CHL1: variants seen among roughly 807,000 people sequenced by gnomAD.
The protein encoded by CHL1 is cell adhesion molecule L1 like.
CHL1 carries 96 observed loss-of-function variants against 141.9 expected under a neutral mutation model. The observed-to-expected ratio is 0.68, with a 90% CI of 0.57 to 0.80. The LOEUF (loss-of-function observed/expected upper bound fraction) is 0.80, where lower values mean the gene tolerates loss of function less well. Among genes scored for constraint, CHL1 ranks in the 30% least tolerant of loss-of-function variants. The pLI is 0.00. For synonymous variants in CHL1, 613 were observed against 502.2 expected (o/e 1.22, Z -2.95); for missense variants, 1,820 against 1,457.2 (o/e 1.25, Z -4.05).
At chr3:316,693 T>C (rs1700176736) in intron 2 of CHL1, among the ~76,000 whole-genome samples, 2 of 151,948 alleles carry the variant, frequency 1.3e-5, no homozygotes, top group Non-Finnish European at 2.9e-5. Flanking sequence ...AGGTGATGGA[T>C]ACCCCAATTA....
intron 16 of CHL1, among the ~76,000 whole-genome samples, chr3:381,048 T>C (rs1466585968): frequency 6.6e-6 from 1 of 152,138 alleles, no homozygotes; most frequent in Admixed American, 6.5e-5. Flanking sequence ...AAGGAACTTG[T>C]TTGCAAATGC....
At chr3:321,878 A>G (rs1349117616) in intron 3 of CHL1, among the ~76,000 whole-genome samples, 1 of 152,112 alleles carries the variant, frequency 6.6e-6, no homozygotes, top group Non-Finnish European at 1.5e-5. Flanking sequence ...TGGCTTAATT[A>G]TAGAGGAAAG....
chr3:229,981 G>C (rs1192120171), intron 1 of CHL1, among the ~76,000 whole-genome samples: 1 of 152,012 alleles, frequency 6.6e-6, no homozygotes, highest in African/African-American at 2.4e-5. Context: ...TTTGTTTAGG[G>C]TGGATCTTCT....
chr3:226,595 G>T (rs1181334300), intron 1 of CHL1, among the ~76,000 whole-genome samples: 3 of 151,152 alleles, frequency 2.0e-5, no homozygotes, highest in Admixed American at 6.6e-5. Flanking sequence ...GATTACAAGC[G>T]CACACCACGC....
intron 1 of CHL1, among the ~76,000 whole-genome samples, chr3:203,627 G>A (rs1354608016): frequency 6.6e-6 from 1 of 152,234 alleles, no homozygotes; most frequent in Non-Finnish European, 1.5e-5. Context: ...GGGATAATGG[G>A]AAGGTGAAGT....
At chr3:287,516 A>T (rs1352063357) in intron 2 of CHL1, among the ~76,000 whole-genome samples, 1 of 152,214 alleles carries the variant, frequency 6.6e-6, no homozygotes, top group African/African-American at 2.4e-5. Context: ...GATGATTGAG[A>T]TACCTCCTTA....
At chr3:351,130 C>A (rs1703218945) in intron 10 of CHL1, among the ~76,000 whole-genome samples, 2 of 152,128 alleles carry the variant, frequency 1.3e-5, no homozygotes, top group African/African-American at 4.8e-5. Flanking sequence ...AATCTGGCCA[C>A]AGTTTTCTTG....
In CHL1 at chr3:407,321, G is replaced by A. The variant is rs1026504045; in HGVS notation, c.*1610G>A. ...ATAGTTCATGGAGACCAAAATTTGG[G>A]GTATTTATAATAGTCAGCGCAGGAA... is the stretch of plus-strand genomic sequence containing the variant. On this transcript the variant is annotated 3_prime_UTR_variant, in exon 28 of 28. Transcript: ENST00000256509. The A allele has an allele frequency of 6.6e-6, 1 of 151,992 alleles. No homozygotes were observed. The highest frequency in any genetic ancestry group is 2.4e-5 in the African/African-American group (1 of 41,374). The allele number at this position is 151,992 out of a possible 1,614,324, so 9.4% of individuals were successfully genotyped here.
chr3:235,363 A>G (rs751234927), intron 1 of CHL1, among the ~76,000 whole-genome samples: 1 of 152,154 alleles, frequency 6.6e-6, no homozygotes, highest in Non-Finnish European at 1.5e-5. Context: ...TTGTTAAATG[A>G]AGGACATTAA....
intron 2 of CHL1, among the ~76,000 whole-genome samples, chr3:258,694 T>A (rs1405660769): frequency 6.6e-6 from 1 of 152,184 alleles, no homozygotes; most frequent in Non-Finnish European, 1.5e-5. Flanking sequence ...CTTGTCTGAA[T>A]CAGTTTTAAA....
intron 2 of CHL1, among the ~76,000 whole-genome samples, chr3:254,170 G>C (rs1574868327): frequency 1.3e-5 from 2 of 152,248 alleles, no homozygotes; most frequent in South Asian, 4.1e-4. Flanking sequence ...ACTCCTTTGT[G>C]CAATGTCATG....
At chr3:206,343 G>A (rs28433164) in intron 1 of CHL1, among the ~76,000 whole-genome samples, 3,548 of 152,182 alleles carry the variant, frequency 0.023, 137 homozygotes, top group African/African-American at 0.08. Flanking sequence ...TGGCATGCCT[G>A]TAATCCCAGC....
intron 2 of CHL1, among the ~76,000 whole-genome samples, chr3:317,039 G>A (rs187890729): frequency 2.2e-4 from 34 of 152,072 alleles, no homozygotes; most frequent in East Asian, 1.9e-4. Context: ...AGCTTTCATC[G>A]TCAGCTAATG....
rs374780909 is a variant in CHL1 at position 409,046 on chromosome 3, C to G, written c.*3335C>G. On this transcript the variant is annotated 3_prime_UTR_variant, in exon 28 of 28. Transcript: ENST00000256509. Reference sequence around the variant, plus strand: ...CCAATTGAAACCCTAAATATGTTTACATACCATTAAGATATGATTCATGTA... The same window carrying G: ...CCAATTGAAACCCTAAATATGTTTAGATACCATTAAGATATGATTCATGTA... 1.3e-5 allele frequency: 2 copies of G among 152,038 alleles called. No individual in the cohort carries two copies. The highest frequency in any genetic ancestry group is 4.8e-5 in the African/African-American group (2 of 41,410). 9.4% of individuals were successfully genotyped at this position (152,038 alleles called of 1,614,324 possible). A position where few individuals can be genotyped will look rare whatever the true frequency, so the allele number is the denominator to read the frequency against.
chr3:217,025 A>C (rs1278811902), intron 1 of CHL1, among the ~76,000 whole-genome samples: 1 of 152,174 alleles, frequency 6.6e-6, no homozygotes, highest in Non-Finnish European at 1.5e-5. Context: ...GCTGATTAGC[A>C]GTTTAAAAGT....
intron 2 of CHL1, among the ~76,000 whole-genome samples, chr3:289,707 T>C (rs191229322): frequency 2.0e-5 from 3 of 152,068 alleles, no homozygotes; most frequent in African/African-American, 7.2e-5. Context: ...ATTTATTTAA[T>C]ACATATTGAT....
intron 2 of CHL1, among the ~76,000 whole-genome samples, chr3:288,348 A>ATG (rs1697360620): frequency 6.6e-6 from 1 of 151,882 alleles, no homozygotes; most frequent in Non-Finnish European, 1.5e-5. Context: ...ATTTACATAT[A>ATG]TACAGGCATA....
intron 2 of CHL1, among the ~76,000 whole-genome samples, chr3:255,923 T>C (rs1694115662): frequency 2.6e-5 from 4 of 152,238 alleles, no homozygotes; most frequent in Admixed American, 2.6e-4. Flanking sequence ...TTTTACACTA[T>C]CTAAAAGGAA....
chr3:240,760 G>C (rs190500299), intron 1 of CHL1, among the ~76,000 whole-genome samples: 5 of 130,870 alleles, frequency 3.8e-5, no homozygotes, highest in African/African-American at 1.3e-4. Context: ...TCCCTCTTGA[G>C]TTGATTTTTG....
Sources: gnomAD v4.1 joint callset for allele counts (sites outside exome capture counted in the v4.1 genomes callset) on GRCh38, gnomAD v4.1.1 for gene constraint, MANE v1.5 for transcripts, NCBI Gene and HGNC (gene_info 2026-07-23, HGNC 2026-07-21) for gene names.